Variants in ZBTB7C observed in about 807,000 individuals in gnomAD.
ZBTB7C encodes the protein zinc finger and BTB domain containing 7C, also known as zinc finger and BTB domain-containing protein 7C.
ZBTB7C carries 8 observed loss-of-function variants against 25.7 expected under a neutral mutation model. The observed-to-expected ratio is 0.31, with a 90% CI of 0.18 to 0.56. The LOEUF (loss-of-function observed/expected upper bound fraction) is 0.56. Among genes scored for constraint, ZBTB7C ranks in the 20% least tolerant of loss-of-function variants. The pLI is 0.91. For missense variants in ZBTB7C, 824 were observed against 855.2 expected, an observed-to-expected ratio of 0.96 and a Z score of 0.46; for synonymous variants, 394 against 369.0, an observed-to-expected ratio of 1.07 and a Z score of -0.78.
chr18:48,370,103 A>G (rs968587685), intron 1 of ZBTB7C, among the ~76,000 whole-genome samples: 2 of 152,212 alleles, frequency 1.3e-5, no homozygotes, highest in Admixed American at 6.5e-5. Context: ...TAAGAGTAAA[A>G]CTTCCAAATA....
chr18:48,375,139 C>T (rs1300764636), intron 1 of ZBTB7C, among the ~76,000 whole-genome samples: 2 of 152,226 alleles, frequency 1.3e-5, no homozygotes, highest in Non-Finnish European at 2.9e-5. Flanking sequence ...TTCTGTTTTG[C>T]TTGTGTGCAC....
chr18:48,336,389 A>T (rs2046458414), intron 2 of ZBTB7C, among the ~76,000 whole-genome samples: 1 of 152,182 alleles, frequency 6.6e-6, no homozygotes, highest in Non-Finnish European at 1.5e-5. Context: ...ATCACTTATT[A>T]TGGTGCCAGC....
intron 2 of ZBTB7C, among the ~76,000 whole-genome samples, chr18:48,202,434 G>T (rs1036409692): frequency 1.4e-5 from 2 of 138,296 alleles, no homozygotes. Context: ...GAAGCAGGAG[G>T]CACAGTCGCA....
chr18:48,277,125 CA>C (rs1417382513), intron 2 of ZBTB7C, among the ~76,000 whole-genome samples: 1 of 145,214 alleles, frequency 6.9e-6, no homozygotes, highest in Non-Finnish European at 1.5e-5. Context: ...GCAATGGCAA[CA>C]AAAGCCAAAA....
chr18:48,251,136 A>C (rs74863115), intron 2 of ZBTB7C, among the ~76,000 whole-genome samples: 7,499 of 152,230 alleles, frequency 0.049, 233 homozygotes, highest in Middle Eastern at 0.088. Flanking sequence ...GGGCAGGACA[A>C]TCACTTGAGC....
intron 4 of ZBTB7C, among the ~76,000 whole-genome samples, chr18:48,034,475 C>T (rs1374389054): frequency 6.6e-6 from 1 of 152,076 alleles, no homozygotes; most frequent in East Asian, 1.9e-4. Context: ...GAAGGCCAAG[C>T]CCAGAGCCAG....
At chr18:48,341,559 C>T (rs112639681) in intron 1 of ZBTB7C, among the ~76,000 whole-genome samples, 4 of 152,256 alleles carry the variant, frequency 2.6e-5, no homozygotes, top group African/African-American at 9.6e-5. Flanking sequence ...GGTGACAGCA[C>T]AGGGCCTGCC....
intron 4 of ZBTB7C, among the ~76,000 whole-genome samples, chr18:48,031,109 A>G (rs2035730869): frequency 6.6e-6 from 1 of 152,152 alleles, no homozygotes; most frequent in South Asian, 2.1e-4. Flanking sequence ...CCTCCCTAAG[A>G]TGGCCAGATT....
chr18:48,222,426 A>G (rs929036408), intron 2 of ZBTB7C, among the ~76,000 whole-genome samples: 8 of 152,190 alleles, frequency 5.3e-5, no homozygotes, highest in African/African-American at 1.9e-4. Context: ...GGGAGGAACC[A>G]CAGCCTTGTG....
chr18:48,321,079 G>A (rs1430213245), intron 2 of ZBTB7C, among the ~76,000 whole-genome samples: 1 of 152,244 alleles, frequency 6.6e-6, no homozygotes, highest in Admixed American at 6.5e-5. Flanking sequence ...AATTATTGGT[G>A]CCTGAGTCTC....
At chr18:48,371,554 G>C (rs1016030696) in intron 1 of ZBTB7C, among the ~76,000 whole-genome samples, 3 of 152,226 alleles carry the variant, frequency 2.0e-5, no homozygotes, top group Non-Finnish European at 2.9e-5. Flanking sequence ...CCTGGCATAA[G>C]AGCCTGCCAA....
rs111340414 is a variant in ZBTB7C at position 48,407,481 on chromosome 18, G to A, written c.-304+1745C>T. On this transcript the variant is annotated intron_variant, in intron 1 of 4. Transcript: ENST00000590800. ...GCAAGCATGGATTTAGAAAGTACCA[G>A]ATAAAGAGGCCATGATGGGCTTGGG... Among the ~76,000 whole-genome samples, 410 of 152,332 alleles carry A rather than the reference G, an allele frequency of 2.7e-3. 1 individual carries two copies. The highest frequency in any genetic ancestry group is 8.9e-3 in the African/African-American group (371 of 41,578).
At chr18:48,182,840 G>A (rs1806478) in intron 3 of ZBTB7C, among the ~76,000 whole-genome samples, 45,226 of 152,084 alleles carry the variant, frequency 0.3, 6,777 homozygotes, top group Middle Eastern at 0.32. Context: ...AGACCTCAAT[G>A]ATTTGCACTA....
intron 2 of ZBTB7C, among the ~76,000 whole-genome samples, chr18:48,281,050 C>T (rs1028246561): frequency 1.8e-4 from 28 of 152,016 alleles, no homozygotes; most frequent in Admixed American, 1.4e-3. Flanking sequence ...GACGGGGTTT[C>T]GCCATGTTGG....
intron 3 of ZBTB7C, among the ~76,000 whole-genome samples, chr18:48,121,837 G>T (rs1490843330): frequency 6.6e-6 from 1 of 152,218 alleles, no homozygotes; most frequent in African/African-American, 2.4e-5. Flanking sequence ...AGAGGGAAAA[G>T]GCTGTGCTGG....
chr18:48,389,422 G>A (rs1309919439), intron 1 of ZBTB7C, among the ~76,000 whole-genome samples: 4 of 143,966 alleles, frequency 2.8e-5, no homozygotes, highest in Non-Finnish European at 6.0e-5. Context: ...TTCCTAATGT[G>A]TGACCCAGAG....
intron 4 of ZBTB7C, among the ~76,000 whole-genome samples, chr18:48,035,549 G>A (rs1436014401): frequency 6.6e-6 from 1 of 152,254 alleles, no homozygotes; most frequent in Non-Finnish European, 1.5e-5. Flanking sequence ...GGCGGAAGAT[G>A]CACAGGCTTT....
At chr18:48,177,627 G>C (rs927145656) in intron 3 of ZBTB7C, among the ~76,000 whole-genome samples, 1 of 152,120 alleles carries the variant, frequency 6.6e-6, no homozygotes, top group African/African-American at 2.4e-5. Flanking sequence ...CTTTCTTGGA[G>C]GCCATGAAAT....
chr18:48,209,985 T>C (rs139256334), intron 2 of ZBTB7C, among the ~76,000 whole-genome samples: 164 of 152,172 alleles, frequency 1.1e-3, no homozygotes, highest in African/African-American at 3.6e-3. Context: ...AAAAAGATAA[T>C]CCAATATTTA....
Sources: gnomAD v4.1 joint callset for allele counts (sites outside exome capture counted in the v4.1 genomes callset) on GRCh38, gnomAD v4.1.1 for gene constraint, MANE v1.5 for transcripts, NCBI Gene and HGNC (gene_info 2026-07-23, HGNC 2026-07-21) for gene names.